The following PGM1 variants were observed in gnomAD, a reference collection of about 807,000 sequenced individuals.
The protein encoded by PGM1 is phosphoglucomutase 1.
A neutral mutation model predicts 55.6 loss-of-function variants in PGM1; 52 were observed. The observed-to-expected ratio is 0.94, with a 90% CI of 0.75 to 1.18. The LOEUF (loss-of-function observed/expected upper bound fraction) is 1.18. Among genes scored for constraint, PGM1 ranks in the 50% most tolerant of loss-of-function variants. The pLI, the probability that PGM1 is intolerant of heterozygous loss-of-function variation, is 0.00. For missense variants in PGM1, 724 were observed against 729.3 expected (o/e 0.99, Z 0.08); for synonymous variants, 287 against 271.7 (o/e 1.06, Z -0.55).
At position 63,659,924 on chromosome 1, in the gene PGM1, C is replaced by T. The variant is rs41285386; in HGVS notation, c.*249C>T. The T allele has an allele frequency of 4.4e-3, 2,591 of 589,234 alleles. 27 individuals carry two copies. The highest frequency in any genetic ancestry group is 0.034 in the Admixed American group (1,244 of 36,246). The allele number at this position is 589,234 out of a possible 1,614,324, so 36.5% of individuals were successfully genotyped here. On this transcript the variant is annotated 3_prime_UTR_variant, in exon 11 of 11. Coordinates refer to ENST00000371084, the MANE Select transcript of PGM1 (RefSeq NM_002633.3). Reference sequence around the variant, plus strand: ...TTCATGCCCTCCTGCATTGCTGCTGCGTGGGTATTTGTCTCCTTAGCCATC... The same window carrying T: ...TTCATGCCCTCCTGCATTGCTGCTGTGTGGGTATTTGTCTCCTTAGCCATC...
chr1:63,598,169 T>C (rs1432106336), intron 1 of PGM1, among the ~76,000 whole-genome samples: 1 of 152,172 alleles, frequency 6.6e-6, no homozygotes, highest in Non-Finnish European at 1.5e-5. Context: ...AGATGGGGTT[T>C]CACCAAGTTG....
chr1:63,637,730 G>T (rs1467785297), intron 6 of PGM1, among the ~76,000 whole-genome samples: 1 of 152,150 alleles, frequency 6.6e-6, no homozygotes, highest in Non-Finnish European at 1.5e-5. Context: ...TCAGGTCCTG[G>T]AATACCTTCT....
chr1:63,626,752 C>T (rs765034727), intron 1 of PGM1, among the ~76,000 whole-genome samples: 2 of 152,004 alleles, frequency 1.3e-5, no homozygotes, highest in East Asian at 1.9e-4. Flanking sequence ...AATTTACCAC[C>T]GTAACCATTT....
intron 1 of PGM1, 64 bp downstream of exon 1, chr1:63,593,798 C>A: frequency 6.8e-7 from 1 of 1,467,864 alleles, no homozygotes. Context: ...CGGCCCGCGG[C>A]GCCCTCCCTC....
intron 5 of PGM1, among the ~76,000 whole-genome samples, chr1:63,635,986 A>G (rs1409915512): frequency 6.6e-6 from 1 of 152,266 alleles, no homozygotes; most frequent in Admixed American, 6.5e-5. Flanking sequence ...CAGAGGACTC[A>G]GCTCAAAAGG....
intron 1 of PGM1, 111 bp downstream of exon 1, chr1:63,593,845 GT>G: frequency 8.4e-6 from 11 of 1,306,234 alleles, no homozygotes; most frequent in Non-Finnish European, 1.1e-5. Flanking sequence ...TGCCGCCTCG[GT>G]TTCCACCTCC....
chr1:63,630,639 A>G (rs1335937520), intron 3 of PGM1, among the ~76,000 whole-genome samples: 1 of 152,208 alleles, frequency 6.6e-6, no homozygotes, highest in Non-Finnish European at 1.5e-5. Flanking sequence ...CAATCAGACT[A>G]TTTTGGGGGG....
At chr1:63,637,097 G>A (rs1048804933) in intron 6 of PGM1, among the ~76,000 whole-genome samples, 1 of 152,116 alleles carries the variant, frequency 6.6e-6, no homozygotes, top group Non-Finnish European at 1.5e-5. Context: ...ATGAATAAAA[G>A]GTAAAGAATG....
intron 1 of PGM1, among the ~76,000 whole-genome samples, chr1:63,611,912 T>A (rs1310473512): frequency 6.6e-6 from 1 of 151,274 alleles, no homozygotes; most frequent in Non-Finnish European, 1.5e-5. Flanking sequence ...CAGAAAATGC[T>A]ATTTGTAAGG....
chr1:63,623,344 C>G (rs938168587), intron 1 of PGM1: 3 of 1,510,890 alleles, frequency 2.0e-6, no homozygotes. Context: ...TCCATGCAAA[C>G]CCTCTATTTT....
Position 63,654,482 on chromosome 1 carries a change from G to A in PGM1, c.1599+16G>A. The A allele has an allele frequency of 6.2e-7, 1 of 1,613,554 alleles. No individual in the cohort carries two copies. The highest frequency in any genetic ancestry group is 1.1e-5 in the South Asian group (1 of 91,056). ...GGACCCCCAGGTAACGCCCAGCCCT[G>A]TGCCCTGGTTAGTTCTTTCTGTTCA... On this transcript the variant is annotated intron_variant, in intron 10 of 10. Coordinates refer to ENST00000371084, the MANE Select transcript of PGM1 (RefSeq NM_002633.3).
intron 1 of PGM1, among the ~76,000 whole-genome samples, chr1:63,594,556 C>T (rs1647982665): frequency 6.6e-6 from 1 of 151,954 alleles, no homozygotes; most frequent in Non-Finnish European, 1.5e-5. Context: ...CTTGGTTCCG[C>T]CCCCGGCCAA....
chr1:63,600,102 G>T (rs1009942843), intron 1 of PGM1: 1 of 152,182 alleles, frequency 6.6e-6, no homozygotes, highest in Non-Finnish European at 1.5e-5. Context: ...AGAAGATGGG[G>T]CTACCCTTCA....
At chr1:63,614,106 G>A (rs113206565) in intron 1 of PGM1, among the ~76,000 whole-genome samples, 2,596 of 152,246 alleles carry the variant, frequency 0.017, 51 homozygotes, top group African/African-American at 0.06. Context: ...AAACCTACAT[G>A]TAATGATATT....
chr1:63,633,864 CTCTG>C (rs1557433436), intron 4 of PGM1, among the ~76,000 whole-genome samples: 23 of 70,148 alleles, frequency 3.3e-4, no homozygotes, highest in South Asian at 6.3e-4. Context: ...GTGTCTGTGT[CTCTG>C]TGTGTGTGTG....
At chr1:63,633,912 GTGTGTGTATA>G (rs1186852711) in intron 4 of PGM1, among the ~76,000 whole-genome samples, 1 of 34,270 alleles carries the variant, frequency 2.9e-5, no homozygotes, top group Non-Finnish European at 4.7e-5. Flanking sequence ...GTGTGTGTGT[GTGTGTGTATA>G]TATATATATA....
At chr1:63,643,441 C>T (rs1039455518) in intron 7 of PGM1, among the ~76,000 whole-genome samples, 3 of 152,160 alleles carry the variant, frequency 2.0e-5, no homozygotes, top group South Asian at 4.1e-4. Context: ...TCCAAAGGCA[C>T]CTTATGGAAA....
At chr1:63,600,234 C>CT (rs576730931) in intron 1 of PGM1, 184 of 152,306 alleles carry the variant, frequency 1.2e-3, no homozygotes, top group African/African-American at 4.3e-3. Context: ...TTGCTTGGGA[C>CT]TTTTTCTTTC....
chr1:63,609,595 G>A (rs978037634), intron 1 of PGM1, among the ~76,000 whole-genome samples: 10 of 152,136 alleles, frequency 6.6e-5, no homozygotes, highest in African/African-American at 1.9e-4. Context: ...GTGTAAAAGT[G>A]ATACACATTC....
Sources: gnomAD v4.1 joint callset for allele counts (sites outside exome capture counted in the v4.1 genomes callset) on GRCh38, gnomAD v4.1.1 for gene constraint, MANE v1.5 for transcripts, NCBI Gene and HGNC (gene_info 2026-07-23, HGNC 2026-07-21) for gene names.